MAP4: variants seen among roughly 807,000 people sequenced by gnomAD.
MAP4 encodes the protein microtubule associated protein 4.
Under a neutral mutation model 170.2 loss-of-function variants are expected in MAP4, and 76 were observed. The observed-to-expected ratio is 0.45, with a 90% CI of 0.37 to 0.54. The LOEUF (loss-of-function observed/expected upper bound fraction) is 0.54. MAP4 is among the 20% of genes least tolerant of loss of function. The pLI, the probability that MAP4 is intolerant of heterozygous loss-of-function variation, is 0.00. For missense variants in MAP4, 2,506 were observed against 2,748.0 expected (o/e 0.91, Z 1.97); for synonymous variants, 909 against 994.5 (o/e 0.91, Z 1.62).
chr3:47,911,912 C>A lies in MAP4; in HGVS notation c.2509G>T (p.Val837Phe). 1 of 1,536,102 alleles carries A rather than the reference C, an allele frequency of 6.5e-7. No homozygotes were observed. Among genetic ancestry groups the A allele is most frequent in the Non-Finnish European group, 8.7e-7 (1 of 1,146,898 alleles). The change falls in exon 9 of 21, where the codon GTT becomes TTT. Residue 837 changes from valine to phenylalanine, a missense_variant. Around this residue, in one of 3 missense-constraint regions of MAP4, gnomAD observed 2,008 missense variants for 2,206.0 expected, o/e 0.91. Transcript: ENST00000683076. The surrounding 1 kb of genome is among the most constrained non-coding windows in gnomAD (Gnocchi z 4.0). ...ACCAGTCTGGCTGCACTGGAGTTAA[C>A]TAAACATTCCCTTTTCAAGTTTTCT... is the stretch of plus-strand genomic sequence containing the variant. Reference protein sequence around the residue: ...SGENLKRECLVNSSAARLVAE... With the variant: ...SGENLKRECLFNSSAARLVAE...
rs1436701822 is a variant in MAP4, at chr3:47,879,219, A to G, written c.5435-1696T>C. On this transcript the variant is annotated intron_variant, in intron 10 of 20. Coordinates refer to ENST00000683076, the MANE Select transcript of MAP4 (RefSeq NM_001385682.1). ...ATGGAGAAATTCTTTTATGATTACT[A>G]TGCAATGGTCTCTATTAAGTGAAAA... 7.2e-5 allele frequency among the ~76,000 whole-genome samples: 11 copies of G among 151,938 alleles called. No individual in the cohort carries two copies. The East Asian group carries it at 2.1e-3, about 29-fold the overall frequency.
At chr3:48,008,644 T>G (rs2100103689) in intron 1 of MAP4, among the ~76,000 whole-genome samples, 1 of 152,174 alleles carries the variant, frequency 6.6e-6, no homozygotes, top group African/African-American at 2.4e-5. Flanking sequence ...GATATTTGTA[T>G]CCCATGTGAG....
At chr3:48,084,944 C>A (rs1194139577) in intron 1 of MAP4, among the ~76,000 whole-genome samples, 3 of 151,746 alleles carry the variant, frequency 2.0e-5, no homozygotes, top group Non-Finnish European at 4.4e-5. Context: ...GCCCTACAAT[C>A]CCCCTTCTTA....
At position 48,040,012 on chromosome 3, in the gene MAP4, A is replaced by G. The variant is rs145228731; in HGVS notation, c.-19-41133T>C. On this transcript the variant is annotated intron_variant, in intron 1 of 18. Transcript: ENST00000360240. Reference sequence around the variant, plus strand: ...TTTCTGTTGCCCAGTCATTGGCTCTATAACTGAAAGGGCTTTTGAAAACCA... The same window carrying G: ...TTTCTGTTGCCCAGTCATTGGCTCTGTAACTGAAAGGGCTTTTGAAAACCA... Among the ~76,000 whole-genome samples, 57 of 152,318 alleles carry G rather than the reference A, an allele frequency of 3.7e-4. 1 individual carries two copies. Among genetic ancestry groups the G allele is most frequent in the African/African-American group, 1.3e-3 (55 of 41,562 alleles).
intron 1 of MAP4, among the ~76,000 whole-genome samples, chr3:48,077,617 G>C (rs1383274243): frequency 1.3e-5 from 2 of 151,672 alleles, no homozygotes; most frequent in East Asian, 3.9e-4. Context: ...TAGGATTACA[G>C]GCATGTGCCA....
In MAP4 at chr3:47,951,276, C is replaced by G. The variant is rs141107137; in HGVS notation, c.293-22926G>C. On this transcript the variant is annotated intron_variant, in intron 3 of 20. Coordinates refer to ENST00000683076, the MANE Select transcript of MAP4 (RefSeq NM_001385682.1). ...TTTTTTTGTTGGTATGCTGAAGAAA[C>G]TTTTTAAAGTATCTCACTTTTTAAA... Among the ~76,000 whole-genome samples, 41 of 152,220 alleles carry G rather than the reference C, an allele frequency of 2.7e-4. No individual in the cohort carries two copies. In the East Asian group the frequency reaches 7.7e-3, roughly 29 times the overall value.
chr3:48,055,834 T>A (rs1439339701), intron 1 of MAP4, among the ~76,000 whole-genome samples: 2 of 134,908 alleles, frequency 1.5e-5, no homozygotes, highest in Non-Finnish European at 3.3e-5. Flanking sequence ...GTCTGAGACG[T>A]GGGGAGCGCC....
At chr3:48,035,941 C>A (rs1007603050) in intron 1 of MAP4, among the ~76,000 whole-genome samples, 5 of 151,750 alleles carry the variant, frequency 3.3e-5, no homozygotes, top group Non-Finnish European at 5.9e-5. Flanking sequence ...CTCCATCCCC[C>A]CCTCTCAAAA....
intron 17 of MAP4, among the ~76,000 whole-genome samples, chr3:47,863,872 T>G (rs536808233): frequency 1.3e-5 from 2 of 149,054 alleles, no homozygotes; most frequent in Non-Finnish European, 1.5e-5. Context: ...TTGGAGCCTC[T>G]CATCCCTGTG....
In MAP4 at chr3:47,871,031, C is replaced by CGGGGGCTGTCCCACTGAGAGTGGT. The variant is rs1559838384; in HGVS notation, c.6052_6075dup (p.Thr2018_Pro2025dup). ...ACTCGGCTGGGAACCACCCCTGCAG[C>CGGGGGCTGTCCCACTGAGAGTGGT]GGGGGCTGTCCCACTGAGAGTGGTG... is the stretch of plus-strand genomic sequence containing the variant. On this transcript the variant is annotated inframe_insertion, in exon 15 of 21. Coordinates refer to ENST00000683076, the MANE Select transcript of MAP4 (RefSeq NM_001385682.1). The CGGGGGCTGTCCCACTGAGAGTGGT allele has an allele frequency of 6.2e-7, 1 of 1,613,836 alleles. No individual in the cohort carries two copies. Among genetic ancestry groups the CGGGGGCTGTCCCACTGAGAGTGGT allele is most frequent in the Non-Finnish European group, 8.5e-7 (1 of 1,179,832 alleles).
intron 3 of MAP4, among the ~76,000 whole-genome samples, chr3:47,935,281 G>A (rs1236311489): frequency 6.6e-6 from 1 of 152,180 alleles, no homozygotes; most frequent in Admixed American, 6.5e-5. Flanking sequence ...GTAATTAAAT[G>A]AAGCTGGGAA....
intron 1 of MAP4, among the ~76,000 whole-genome samples, chr3:48,000,122 C>T (rs543805729): frequency 1.4e-5 from 2 of 147,130 alleles, no homozygotes; most frequent in East Asian, 4.1e-4. Context: ...GGCTGAGGTA[C>T]GAGAATCGCT....
intron 3 of MAP4, among the ~76,000 whole-genome samples, chr3:47,966,682 A>T (rs950436337): frequency 6.6e-6 from 1 of 152,114 alleles, no homozygotes; most frequent in Admixed American, 6.5e-5. Flanking sequence ...TCCCAGCAGG[A>T]TCCAACTTTT....
chr3:47,974,692 A>C (rs769979560), intron 3 of MAP4: 29 of 970,418 alleles, frequency 3.0e-5, no homozygotes, highest in Non-Finnish European at 6.1e-6. Context: ...TTAAGCAATT[A>C]GTTTGAAAAA....
Position 47,952,065 on chromosome 3 carries a change from G to A in MAP4, c.293-23715C>T, listed in dbSNP as rs1233016188. On this transcript the variant is annotated intron_variant, in intron 3 of 20. Coordinates refer to ENST00000683076, the MANE Select transcript of MAP4 (RefSeq NM_001385682.1). Reference sequence around the variant, plus strand: ...CGACCCCGTCTGGGAGGTGAGGAGCGTCTCTGCCCGGCCGCCCCGTCTGAG... The same window carrying A: ...CGACCCCGTCTGGGAGGTGAGGAGCATCTCTGCCCGGCCGCCCCGTCTGAG... Among the ~76,000 whole-genome samples the A allele has an allele frequency of 4.3e-3, 616 of 143,510 alleles. 5 individuals carry two copies. The highest frequency in any genetic ancestry group is 0.015 in the African/African-American group (580 of 38,166). The allele number at this position is 143,510 out of a possible 152,430, so 94.1% of individuals were successfully genotyped here.
chr3:47,887,738 C>A (rs2097853101), intron 10 of MAP4, among the ~76,000 whole-genome samples: 1 of 152,260 alleles, frequency 6.6e-6, no homozygotes, highest in African/African-American at 2.4e-5. Context: ...CCAATCAGCA[C>A]CCTGTGTTTA....
At chr3:47,907,914 C>T (rs1577396667) in intron 9 of MAP4, among the ~76,000 whole-genome samples, 1 of 152,330 alleles carries the variant, frequency 6.6e-6, no homozygotes, top group South Asian at 2.1e-4. Context: ...TTTACTCACA[C>T]AGCAGTATTC....
intron 17 of MAP4, among the ~76,000 whole-genome samples, chr3:47,862,816 C>T (rs990469266): frequency 2.6e-5 from 4 of 152,072 alleles, no homozygotes; most frequent in African/African-American, 9.7e-5. Flanking sequence ...ATATCTAGGA[C>T]TGGCTTCAAA....
chr3:48,022,385 G>A (rs1258542321), intron 1 of MAP4, among the ~76,000 whole-genome samples: 4 of 152,054 alleles, frequency 2.6e-5, no homozygotes, highest in African/African-American at 9.7e-5. Flanking sequence ...TCGGCAAGGT[G>A]GCAAGAAGGG....
Sources: allele counts gnomAD v4.1 joint callset (sites outside exome capture counted in the v4.1 genomes callset), GRCh38; gene constraint gnomAD v4.1.1; regional missense constraint gnomAD v4.1.1; non-coding constraint Gnocchi (gnomAD v3.1); transcripts MANE v1.5; gene names NCBI Gene and HGNC (gene_info 2026-07-23, HGNC 2026-07-21).